Variants in CDH5 observed in about 807,000 individuals in gnomAD.
The protein encoded by CDH5 is cadherin-5.
CDH5 carries 28 observed loss-of-function variants against 62.0 expected under a neutral mutation model. That is an observed-to-expected ratio of 0.45 (90% CI 0.33 to 0.62). The LOEUF (loss-of-function observed/expected upper bound fraction) is 0.62. CDH5 is among the 20% of genes least tolerant of loss of function. The probability of loss-of-function intolerance (pLI) is 0.02; values close to 1 mark genes in which losing one functional copy is unlikely to be tolerated. For synonymous variants in CDH5, 464 were observed against 445.8 expected (o/e 1.04, Z -0.52); for missense variants, 940 against 1,065.1 (o/e 0.88, Z 1.63).
Position 66,369,813 on chromosome 16 carries a change from A to AATCCTCAATACAGTCTATGAGG in CDH5, c.-20+3072_-20+3093dup, listed in dbSNP as rs1158481061. On this transcript the variant is annotated intron_variant, in intron 1 of 11. Coordinates refer to ENST00000341529, the MANE Select transcript of CDH5 (RefSeq NM_001795.5). ...GGAATGAACTTGAACTCAGCCCCTG[A>AATCCTCAATACAGTCTATGAGG]ATCCTCAATACAGTCTATGAGGATC... Among the ~76,000 whole-genome samples, 146 of 152,286 alleles carry AATCCTCAATACAGTCTATGAGG rather than the reference A, an allele frequency of 9.6e-4. 1 individual carries two copies. The highest frequency in any genetic ancestry group is 3.4e-3 in the African/African-American group (142 of 41,540).
chr16:66,384,910 G>A (rs908296308), intron 2 of CDH5, among the ~76,000 whole-genome samples: 1 of 152,162 alleles, frequency 6.6e-6, no homozygotes, highest in Non-Finnish European at 1.5e-5. Flanking sequence ...AGGTTGCAGT[G>A]AGCCAAGATC....
rs149810324 is a variant in CDH5, at chr16:66,389,458, G to A, written c.717G>A (p.Ser239=). The stretch of plus-strand genomic sequence containing the variant: ...ATGCCCAGGGCCTCCGGGGGGACTC[G>A]GGCACGGCCACCGTGCTGGTCACTC... The part of the protein sequence containing the change: ...ARDAQGLRGD[S]GTATVLVTLQ... Residue 239 remains serine (S), a synonymous_variant, in exon 5 of 12, where the codon TCG becomes TCA. Coordinates refer to ENST00000341529, the MANE Select transcript of CDH5 (RefSeq NM_001795.5). 1.2e-5 allele frequency: 20 copies of A among 1,613,032 alleles called. No individual in the cohort carries two copies. Among genetic ancestry groups the A allele is most frequent in the African/African-American group, 8.0e-5 (6 of 74,958 alleles).
chr16:66,384,024 C>T (rs997239321), intron 2 of CDH5, among the ~76,000 whole-genome samples: 1 of 151,858 alleles, frequency 6.6e-6, no homozygotes, highest in Non-Finnish European at 1.5e-5. Context: ...TCTGGAATCT[C>T]CCTCTTCTTT....
chr16:66,402,869 T>C lies in CDH5; in HGVS notation c.2055T>C (p.Tyr685=), dbSNP rs1328651123. ...RPALDARPSL[Y]AQVQKPPRHA... ...CGCTGGACGCCCGGCCTTCCCTCTA[T>C]GCGCAGGTGCAGAAGCCACCGAGGC... The change falls in exon 12 of 12, where the codon TAT becomes TAC. Residue 685 remains tyrosine, a synonymous_variant. Transcript: ENST00000341529. The C allele has an allele frequency of 6.2e-7, 1 of 1,607,612 alleles. No homozygotes were observed. The highest frequency in any genetic ancestry group is 8.5e-7 in the Non-Finnish European group (1 of 1,178,028).
rs200122262 is a variant in CDH5 at position 66,389,376 on chromosome 16, C to T, written c.635C>T (p.Thr212Met). 2.7e-5 allele frequency: 44 copies of T among 1,611,610 alleles called. No individual in the cohort carries two copies. Among genetic ancestry groups the T allele is most frequent in the East Asian group, 1.3e-4 (6 of 44,770 alleles). The change falls in exon 5 of 12, where the codon ACG (threonine) becomes ATG (methionine). Residue 212 changes from threonine (T) to methionine (M), a missense_variant. Thr to Met is a moderately conservative substitution (Grantham distance 81, BLOSUM62 -1). Transcript: ENST00000341529. ...TTTGCAGGACGTATTATCACAATAA[C>T]GAAAAGCTTGGACCGAGAGAAGCAG... ...IDNSGRIITI[T>M]KSLDREKQAR...
chr16:66,393,617 C>A (rs1321862971), intron 7 of CDH5, among the ~76,000 whole-genome samples: 1 of 152,212 alleles, frequency 6.6e-6, no homozygotes, highest in Non-Finnish European at 1.5e-5. Context: ...ACCTCCAACA[C>A]TGGGGATTAC....
At position 66,400,780 on chromosome 16, in the gene CDH5, C is replaced by G. The variant is rs1395698491; in HGVS notation, c.1601C>G (p.Ala534Gly). Reference protein sequence around the residue: ...FTLTDNHDNTANITVKYGQFD... With the variant: ...FTLTDNHDNTGNITVKYGQFD... ...GCCTTGGTGTTTCCAGATAACACGG[C>G]CAACATCACAGTCAAGTATGGGCAG... Residue 534 changes from alanine to glycine, a missense_variant, in exon 11 of 12, where the codon GCC (alanine) becomes GGC (glycine). Transcript: ENST00000341529. 6.2e-7 allele frequency: 1 copy of G among 1,614,070 alleles called. No individual in the cohort carries two copies. The highest frequency in any genetic ancestry group is 8.5e-7 in the Non-Finnish European group (1 of 1,180,046).
chr16:66,400,697 G>A (rs989717479), intron 10 of CDH5, 74 bp from the exon 11 acceptor site: 25 of 1,593,860 alleles, frequency 1.6e-5, no homozygotes, highest in African/African-American at 2.7e-5. Flanking sequence ...AGTCAGGGAG[G>A]GCTTCCTGGA....
Position 66,386,959 on chromosome 16 carries a change from G to T in CDH5, c.361G>T (p.Val121Phe), listed in dbSNP as rs771913209. The change falls in exon 3 of 12, where the codon GTC becomes TTC. Residue 121 changes from valine to phenylalanine, a missense_variant. Val to Phe is a conservative substitution (Grantham distance 50, BLOSUM62 -1). Coordinates refer to ENST00000341529, the MANE Select transcript of CDH5 (RefSeq NM_001795.5). ...ENISEYHLTA[V>F]IVDKDTGENL... ...TATCTCAGAGTACCACCTCACTGCTGTCATTGTGGACAAGGACACTGGCGA... is the reference window on the plus strand; with the variant it reads ...TATCTCAGAGTACCACCTCACTGCTTTCATTGTGGACAAGGACACTGGCGA... The T allele has an allele frequency of 2.5e-6, 4 of 1,614,206 alleles. No individual in the cohort carries two copies. Among genetic ancestry groups the T allele is most frequent in the Admixed American group, 1.7e-5 (1 of 60,028 alleles).
At chr16:66,371,842 G>C (rs936305118) in intron 1 of CDH5, among the ~76,000 whole-genome samples, 40 of 73,990 alleles carry the variant, frequency 5.4e-4, no homozygotes, top group Non-Finnish European at 9.5e-4. Flanking sequence ...GCTGGGTCCA[G>C]ACTTCCTATG....
chr16:66,394,636 C>G (rs1270597502), intron 7 of CDH5, among the ~76,000 whole-genome samples: 1 of 151,454 alleles, frequency 6.6e-6, no homozygotes, highest in Non-Finnish European at 1.5e-5. Flanking sequence ...TTACTTCTAT[C>G]TGCAAAATTT....
At position 66,400,785 on chromosome 16, in the gene CDH5, A is replaced by G. The variant is rs376438856; in HGVS notation, c.1606A>G (p.Ile536Val). ...LTDNHDNTAN[I>V]TVKYGQFDRE... The stretch of plus-strand genomic sequence containing the variant: ...GGTGTTTCCAGATAACACGGCCAAC[A>G]TCACAGTCAAGTATGGGCAGTTTGA... Residue 536 changes from isoleucine to valine, a missense_variant, in exon 11 of 12, where the codon ATC (isoleucine) becomes GTC (valine). Transcript: ENST00000341529. The G allele has an allele frequency of 1.2e-6, 2 of 1,614,090 alleles. No individual in the cohort carries two copies. Among genetic ancestry groups the G allele is most frequent in the African/African-American group, 1.3e-5 (1 of 74,944 alleles).
In CDH5 at chr16:66,402,813, C is replaced by T. The variant is rs375308404; in HGVS notation, c.1999C>T (p.Arg667Cys). ...SYDVSVLNSV[R>C]RGGAKPPRPA... Reference sequence around the variant, plus strand: ...CGATGTGTCGGTGCTCAACTCGGTGCGCCGCGGCGGGGCCAAGCCCCCGCG... The same window carrying T: ...CGATGTGTCGGTGCTCAACTCGGTGTGCCGCGGCGGGGCCAAGCCCCCGCG... Residue 667 changes from arginine (R) to cysteine (C), a missense_variant, in exon 12 of 12, where the codon CGC becomes TGC. Physicochemically the swap from Arg to Cys is radical, Grantham distance 180 (BLOSUM62 -3). Transcript: ENST00000341529. The T allele has an allele frequency of 1.3e-6, 2 of 1,599,102 alleles. No individual in the cohort carries two copies. The highest frequency in any genetic ancestry group is 2.3e-5 in the East Asian group (1 of 44,252).
In CDH5 at chr16:66,389,453, G is replaced by C. The variant is rs773614809; in HGVS notation, c.712G>C (p.Asp238His). The C allele has an allele frequency of 9.3e-6, 15 of 1,613,134 alleles. No individual in the cohort carries two copies. Among genetic ancestry groups the C allele is most frequent in the Non-Finnish European group, 1.2e-5 (14 of 1,179,594 alleles). Reference sequence around the variant, plus strand: ...GCGAGATGCCCAGGGCCTCCGGGGGGACTCGGGCACGGCCACCGTGCTGGT... The same window carrying C: ...GCGAGATGCCCAGGGCCTCCGGGGGCACTCGGGCACGGCCACCGTGCTGGT... ...EARDAQGLRGDSGTATVLVTL... is the reference protein window; with the variant it reads ...EARDAQGLRGHSGTATVLVTL... The change falls in exon 5 of 12, where the codon GAC becomes CAC. Residue 238 changes from aspartate (D) to histidine (H), a missense_variant. Coordinates refer to ENST00000341529, the MANE Select transcript of CDH5 (RefSeq NM_001795.5).
chr16:66,402,805 A>T lies in CDH5; in HGVS notation c.1991A>T (p.Asn664Ile). 6.2e-7 allele frequency: 1 copy of T among 1,601,588 alleles called. No individual in the cohort carries two copies. Among genetic ancestry groups the T allele is most frequent in the Non-Finnish European group, 8.5e-7 (1 of 1,175,068 alleles). The change falls in exon 12 of 12, where the codon AAC (asparagine) becomes ATC (isoleucine). Residue 664 changes from asparagine to isoleucine, a missense_variant. Coordinates refer to ENST00000341529, the MANE Select transcript of CDH5 (RefSeq NM_001795.5). ...ACCAGCTACGATGTGTCGGTGCTCA[A>T]CTCGGTGCGCCGCGGCGGGGCCAAG... The part of the protein sequence containing the change: ...DTTSYDVSVL[N>I]SVRRGGAKPP...
chr16:66,383,136 A>T (rs1164899734), intron 2 of CDH5, among the ~76,000 whole-genome samples: 1 of 152,166 alleles, frequency 6.6e-6, no homozygotes, highest in African/African-American at 2.4e-5. Flanking sequence ...AAACTATCAC[A>T]GCCATGAGGC....
intron 1 of CDH5, among the ~76,000 whole-genome samples, chr16:66,368,533 T>G (rs1960628526): frequency 6.6e-6 from 1 of 152,196 alleles, no homozygotes; most frequent in South Asian, 2.1e-4. Context: ...ACTGCTGACT[T>G]GGGGACACCC....
At chr16:66,401,115 G>C in intron 11 of CDH5, 99 bp downstream of exon 11, 12 of 1,490,292 alleles carry the variant, frequency 8.1e-6, no homozygotes, top group East Asian at 4.6e-5. Context: ...GAGGCCAGAG[G>C]TTCAGGCCCA....
intron 1 of CDH5, among the ~76,000 whole-genome samples, chr16:66,376,070 C>T (rs528086556): frequency 2.6e-5 from 4 of 151,904 alleles, no homozygotes; most frequent in East Asian, 1.9e-4. Flanking sequence ...GAGATCACAC[C>T]GCTGCACTCC....
Sources: allele counts gnomAD v4.1 joint callset (sites outside exome capture counted in the v4.1 genomes callset), GRCh38; gene constraint gnomAD v4.1.1; transcripts MANE v1.5; gene names NCBI Gene and HGNC (gene_info 2026-07-23, HGNC 2026-07-21).